JMJD1C: variants seen among roughly 807,000 people sequenced by gnomAD.
JMJD1C encodes jumonji domain-containing protein 1C.
Under a neutral mutation model 245.3 loss-of-function variants are expected in JMJD1C, and 31 were observed. That is an observed-to-expected ratio of 0.13 (90% confidence interval 0.09 to 0.17). JMJD1C has a LOEUF of 0.17. Ranked by LOEUF, JMJD1C falls within the 10% of genes least tolerant of loss-of-function variation. The pLI, the probability that JMJD1C is intolerant of heterozygous loss-of-function variation, is 1.00. For synonymous variants in JMJD1C, 1,057 were observed against 1,017.4 expected, an observed-to-expected ratio of 1.04 and a Z score of -0.74; for missense variants, 2,691 against 3,000.2, an observed-to-expected ratio of 0.90 and a Z score of 2.41.
At chr10:63,405,150 T>C (rs1341071466) in intron 1 of JMJD1C, among the ~76,000 whole-genome samples, 1 of 152,148 alleles carries the variant, frequency 6.6e-6, no homozygotes, top group Non-Finnish European at 1.5e-5. Context: ...TCTCACTTCA[T>C]TTTTAGCACC....
intron 2 of JMJD1C, among the ~76,000 whole-genome samples, chr10:63,309,309 A>G (rs1168549055): frequency 1.3e-5 from 2 of 151,734 alleles, no homozygotes; most frequent in African/African-American, 4.8e-5. Flanking sequence ...CCTGGCCAAC[A>G]TGGTGAAACC....
intron 24 of JMJD1C, among the ~76,000 whole-genome samples, chr10:63,170,169 TCATC>T (rs1380867659): frequency 6.6e-6 from 1 of 152,238 alleles, no homozygotes; most frequent in Non-Finnish European, 1.5e-5. Context: ...CTCACTTTGT[TCATC>T]CATCGTTTTC....
intron 3 of JMJD1C, among the ~76,000 whole-genome samples, chr10:63,235,187 C>G (rs1850582739): frequency 6.6e-6 from 1 of 152,070 alleles, no homozygotes; most frequent in South Asian, 2.1e-4. Flanking sequence ...AGTATTTTGC[C>G]AATATAAATA....
chr10:63,481,275 A>G (rs1428115486), intron 1 of JMJD1C, among the ~76,000 whole-genome samples: 1 of 152,162 alleles, frequency 6.6e-6, no homozygotes, highest in African/African-American at 2.4e-5. Context: ...AAAATAATTG[A>G]TCCCTTATAG....
intron 8 of JMJD1C, among the ~76,000 whole-genome samples, chr10:63,211,571 T>C (rs141395130): frequency 5.9e-4 from 89 of 152,018 alleles, no homozygotes; most frequent in African/African-American, 2.1e-3. Flanking sequence ...ACTTTTGGCA[T>C]GATGAACAGC....
chr10:63,360,191 A>C (rs975204839), intron 2 of JMJD1C, among the ~76,000 whole-genome samples: 1 of 152,082 alleles, frequency 6.6e-6, no homozygotes, highest in Non-Finnish European at 1.5e-5. Context: ...GTGGTGGTGC[A>C]TTCTTAGAAG....
intron 1 of JMJD1C, among the ~76,000 whole-genome samples, chr10:63,381,932 C>T (rs941590226): frequency 5.9e-5 from 9 of 152,132 alleles, no homozygotes; most frequent in African/African-American, 2.2e-4. Context: ...TAAATAGTAG[C>T]CATACGCGAT....
intron 12 of JMJD1C, 146 bp downstream of exon 12, chr10:63,198,367 C>A (rs1412996886): frequency 3.5e-6 from 2 of 569,732 alleles, no homozygotes; most frequent in East Asian, 5.5e-5. Flanking sequence ...GTATCTGTAA[C>A]CTTAAATACA....
intron 2 of JMJD1C, among the ~76,000 whole-genome samples, chr10:63,317,883 C>T (rs1317122489): frequency 1.3e-5 from 2 of 152,118 alleles, no homozygotes; most frequent in Non-Finnish European, 2.9e-5. Flanking sequence ...CTTGCTCTGT[C>T]AACCAGGCTG....
intron 3 of JMJD1C, among the ~76,000 whole-genome samples, chr10:63,248,079 T>C (rs945226765): frequency 5.3e-5 from 8 of 151,356 alleles, no homozygotes; most frequent in African/African-American, 1.9e-4. Context: ...AATACAGAAA[T>C]TAGCTGGGTG....
intron 1 of JMJD1C, among the ~76,000 whole-genome samples, chr10:63,411,279 C>G (rs937909476): frequency 3.4e-5 from 5 of 146,300 alleles, no homozygotes; most frequent in African/African-American, 1.3e-4. Context: ...TGAGTAGATA[C>G]AAATGTGTCA....
At chr10:63,503,165 C>A (rs1305835104) in intron 1 of JMJD1C, among the ~76,000 whole-genome samples, 1 of 152,126 alleles carries the variant, frequency 6.6e-6, no homozygotes, top group Admixed American at 6.5e-5. Flanking sequence ...TCCAAAAGCT[C>A]TCAACCTAAA....
chr10:63,176,384 C>T lies in JMJD1C; in HGVS notation c.7314G>A (p.Arg2438=). 6.2e-7 allele frequency: 1 copy of T among 1,613,942 alleles called. No homozygotes were observed. The highest frequency in any genetic ancestry group is 2.2e-5 in the East Asian group (1 of 44,858). ...SWYVNKKLRQ[R]LLEEYGVRTC... ...TTCTGACTCCATATTCTTCAAGCAG[C>T]CTTTGACGGAGCTTTTTGTTCACAT... is the stretch of plus-strand genomic sequence containing the variant. Residue 2438 remains arginine (R), a synonymous_variant, in exon 24 of 26, where the codon AGG becomes AGA. Transcript: ENST00000399262.
intron 1 of JMJD1C, among the ~76,000 whole-genome samples, chr10:63,496,497 CT>C (rs1489713190): frequency 6.6e-6 from 1 of 152,130 alleles, no homozygotes; most frequent in Non-Finnish European, 1.5e-5. Context: ...TTCCAAAGGT[CT>C]CTGGTTTATT....
intron 1 of JMJD1C, among the ~76,000 whole-genome samples, chr10:63,415,563 C>A (rs754577969): frequency 3.3e-5 from 5 of 152,146 alleles, no homozygotes; most frequent in Non-Finnish European, 7.3e-5. Context: ...TGATACTGAA[C>A]ATGACCTTTA....
At chr10:63,465,980 T>C (rs975478081), upstream of JMJD1C, 7 of 326,446 alleles carry the variant, frequency 2.1e-5, no homozygotes, top group Admixed American at 5.3e-5. Context: ...CCAGTACTGC[T>C]CCGTCTCCCT....
At chr10:63,494,502 T>C (rs1362680884) in intron 1 of JMJD1C, among the ~76,000 whole-genome samples, 2 of 152,090 alleles carry the variant, frequency 1.3e-5, no homozygotes, top group African/African-American at 4.8e-5. Context: ...AATTAGAACA[T>C]GGTAATAAAT....
upstream of JMJD1C, among the ~76,000 whole-genome samples, chr10:63,470,975 A>T (rs1589808058): frequency 6.6e-6 from 1 of 152,236 alleles, no homozygotes; most frequent in African/African-American, 2.4e-5. Flanking sequence ...TAATCTGCTG[A>T]GTGAGGAACT....
chr10:63,336,888 T>C (rs1313631443), intron 2 of JMJD1C, among the ~76,000 whole-genome samples: 4 of 152,102 alleles, frequency 2.6e-5, no homozygotes, highest in Non-Finnish European at 5.9e-5. Context: ...CTGTTGCCCC[T>C]GGAGTGCAGT....
Sources: allele counts gnomAD v4.1 joint callset (sites outside exome capture counted in the v4.1 genomes callset), GRCh38; gene constraint gnomAD v4.1.1; transcripts MANE v1.5; gene names NCBI Gene and HGNC (gene_info 2026-07-23, HGNC 2026-07-21).